The following PCSK5 variants were observed in gnomAD, a reference collection of about 807,000 sequenced individuals.
PCSK5 encodes prohormone convertase 5.
A neutral mutation model predicts 233.2 loss-of-function variants in PCSK5; 129 were observed. The observed-to-expected ratio is 0.55, with a 90% CI of 0.48 to 0.64. PCSK5 has a LOEUF of 0.64. Ranked by LOEUF, PCSK5 falls within the 30% of genes least tolerant of loss-of-function variation. The pLI is 0.00. For missense variants in PCSK5, 2,076 were observed against 2,430.1 expected (o/e 0.85, Z 3.06); for synonymous variants, 825 against 879.2 (o/e 0.94, Z 1.09).
intron 21 of PCSK5, among the ~76,000 whole-genome samples, chr9:76,229,770 G>T (rs1015506940): frequency 6.6e-6 from 1 of 152,196 alleles, no homozygotes; most frequent in African/African-American, 2.4e-5. Context: ...ACATCTGGGG[G>T]CCTTCTGGAA....
intron 30 of PCSK5, among the ~76,000 whole-genome samples, 152 bp from the exon 31 acceptor site, chr9:76,321,270 G>A (rs1318767306): frequency 1.3e-5 from 2 of 152,068 alleles, no homozygotes; most frequent in African/African-American, 2.4e-5. Flanking sequence ...TTTTCTGAAT[G>A]TTCTTTTCAC....
chr9:76,110,545 C>T (rs915869633), intron 9 of PCSK5, among the ~76,000 whole-genome samples: 1 of 152,082 alleles, frequency 6.6e-6, no homozygotes, highest in African/African-American at 2.4e-5. Context: ...TCCCAGGAAA[C>T]TAAGGGAAAA....
intron 9 of PCSK5, among the ~76,000 whole-genome samples, chr9:76,112,318 G>A (rs757896883): frequency 5.3e-5 from 8 of 152,080 alleles, no homozygotes; most frequent in African/African-American, 9.7e-5. Context: ...TTAAATGACC[G>A]CAAAGCCTTT....
At chr9:76,327,227 C>T (rs1191506166) in intron 32 of PCSK5, among the ~76,000 whole-genome samples, 1 of 151,948 alleles carries the variant, frequency 6.6e-6, no homozygotes, top group Non-Finnish European at 1.5e-5. Context: ...CCACCTTAGC[C>T]TCCTGAGTAG....
chr9:76,093,827 G>A (rs921323019), intron 7 of PCSK5, among the ~76,000 whole-genome samples: 2 of 152,104 alleles, frequency 1.3e-5, no homozygotes, highest in African/African-American at 4.8e-5. Context: ...CCTCTGGTAT[G>A]TTGTTGTCTC....
intron 1 of PCSK5, among the ~76,000 whole-genome samples, chr9:75,918,381 TGGG>T (rs1823098909): frequency 6.6e-6 from 1 of 152,226 alleles, no homozygotes; most frequent in African/African-American, 2.4e-5. Flanking sequence ...TCAGTTAAGG[TGGG>T]GCTCATTAAC....
At chr9:76,024,995 A>G (rs1828359199) in intron 4 of PCSK5, among the ~76,000 whole-genome samples, 1 of 152,176 alleles carries the variant, frequency 6.6e-6, no homozygotes, top group Non-Finnish European at 1.5e-5. Context: ...TATCAGTAAA[A>G]TTAGTAAGGT....
chr9:76,257,532 C>G (rs1183667394), intron 24 of PCSK5, among the ~76,000 whole-genome samples: 1 of 152,190 alleles, frequency 6.6e-6, no homozygotes, highest in Non-Finnish European at 1.5e-5. Flanking sequence ...CAGACTCATC[C>G]TTTCCACAAA....
intron 37 of PCSK5, among the ~76,000 whole-genome samples, chr9:76,355,201 G>A (rs769600306): frequency 3.3e-5 from 5 of 152,132 alleles, no homozygotes; most frequent in Non-Finnish European, 5.9e-5. Context: ...GGCCGGGCGC[G>A]GTGGCTCACG....
chr9:76,329,693 T>TCCA (rs1829470485), intron 33 of PCSK5, among the ~76,000 whole-genome samples: 1 of 151,456 alleles, frequency 6.6e-6, no homozygotes, highest in African/African-American at 2.4e-5. Flanking sequence ...ATTAGCCAGG[T>TCCA]GTGGTGGTGG....
In PCSK5 at chr9:76,045,971, T is replaced by C. The variant is rs1829355283; in HGVS notation, c.632+18934T>C. 2.6e-5 allele frequency among the ~76,000 whole-genome samples: 4 copies of C among 152,264 alleles called. No individual in the cohort carries two copies. In the South Asian group the frequency reaches 8.3e-4, roughly 32 times the overall value. On this transcript the variant is annotated intron_variant, in intron 5 of 37. Coordinates refer to ENST00000674117, the MANE Select transcript of PCSK5 (RefSeq NM_001372043.1). ...CATTTCTGCAATTATTGTTCATAAC[T>C]ACTACATTTTCCCAAACTATTCCAT...
At chr9:75,912,049 G>A (rs2131232865) in intron 1 of PCSK5, among the ~76,000 whole-genome samples, 2 of 152,272 alleles carry the variant, frequency 1.3e-5, no homozygotes, top group East Asian at 3.9e-4. Flanking sequence ...AAGTCAGATA[G>A]TGGTAAGTGC....
intron 2 of PCSK5, among the ~76,000 whole-genome samples, chr9:75,954,752 A>G (rs1322000400): frequency 6.6e-6 from 1 of 152,158 alleles, no homozygotes; most frequent in Non-Finnish European, 1.5e-5. Context: ...CACTGGGAGC[A>G]TGGCCTGAAA....
chr9:76,308,960 G>C (rs904486617), intron 29 of PCSK5, among the ~76,000 whole-genome samples: 1 of 152,192 alleles, frequency 6.6e-6, no homozygotes, highest in African/African-American at 2.4e-5. Context: ...GTTCACACCT[G>C]TAATCCCAAC....
At chr9:76,309,810 A>G (rs1828811745) in intron 29 of PCSK5, among the ~76,000 whole-genome samples, 1 of 152,244 alleles carries the variant, frequency 6.6e-6, no homozygotes, top group African/African-American at 2.4e-5. Context: ...AATTATAATC[A>G]TATAAAATAT....
chr9:75,959,353 G>A (rs1025441256), intron 2 of PCSK5, among the ~76,000 whole-genome samples: 2 of 152,088 alleles, frequency 1.3e-5, no homozygotes, highest in Admixed American at 6.6e-5. Flanking sequence ...TGGAGCAAGT[G>A]GGGTGAGGAG....
rs144989894 is a variant in PCSK5, at chr9:76,097,445, T to G, written c.1107+1343T>G. On this transcript the variant is annotated intron_variant, in intron 8 of 37. Coordinates refer to ENST00000674117, the MANE Select transcript of PCSK5 (RefSeq NM_001372043.1). ...CGGCTAATTTTTTTTGTATTTTTAG[T>G]AGAGACGGGGGTGCATTTCTTATAG... Among the ~76,000 whole-genome samples the G allele has an allele frequency of 5.4e-3, 784 of 145,594 alleles. 14 individuals carry two copies. Among genetic ancestry groups the G allele is most frequent in the African/African-American group, 0.02 (734 of 36,154 alleles).
chr9:75,953,864 T>G (rs907931943), intron 2 of PCSK5, among the ~76,000 whole-genome samples: 1 of 151,634 alleles, frequency 6.6e-6, no homozygotes, highest in Non-Finnish European at 1.5e-5. Context: ...ATTATAAGAG[T>G]TGAGTAGAGA....
chr9:76,308,783 C>G lies in PCSK5; in HGVS notation c.3688+55C>G. On this transcript the variant is annotated intron_variant, in intron 29 of 37. Coordinates refer to ENST00000674117, the MANE Select transcript of PCSK5 (RefSeq NM_001372043.1). The stretch of plus-strand genomic sequence containing the variant: ...GCAGTCAAGCCAAGTCATTGAAACT[C>G]ATGTGTAGTGGCATCTTGGTGTAAG... 3 of 1,093,380 alleles carry G rather than the reference C, an allele frequency of 2.7e-6. No individual in the cohort carries two copies. In the South Asian group the frequency reaches 3.8e-5, roughly 14 times the overall value. The allele number at this position is 1,093,380 out of a possible 1,614,324, so 67.7% of individuals were successfully genotyped here. A position where few individuals can be genotyped will look rare whatever the true frequency, so the allele number is the denominator to read the frequency against.
Sources: gnomAD v4.1 joint callset for allele counts (sites outside exome capture counted in the v4.1 genomes callset) on GRCh38, gnomAD v4.1.1 for gene constraint, MANE v1.5 for transcripts, NCBI Gene and HGNC (gene_info 2026-07-23, HGNC 2026-07-21) for gene names.